Variants in CALN1 observed in about 807,000 individuals in gnomAD.
The protein encoded by CALN1 is calneuron 1, also known as calcium-binding protein 8.
A neutral mutation model predicts 30.6 loss-of-function variants in CALN1; 17 were observed. The ratio of observed to expected loss-of-function variants is 0.56; its 90% CI spans 0.38 to 0.83. CALN1 has a LOEUF of 0.83. Ranked by LOEUF, CALN1 falls within the 40% of genes least tolerant of loss-of-function variation. The pLI is 0.00. For missense variants in CALN1, 291 were observed against 354.9 expected (o/e 0.82, Z 1.45); for synonymous variants, 156 against 131.4 (o/e 1.19, Z -1.28).
intron 2 of CALN1, among the ~76,000 whole-genome samples, chr7:72,394,141 T>A (rs1221036060): frequency 6.6e-6 from 1 of 152,122 alleles, no homozygotes; most frequent in Non-Finnish European, 1.5e-5. Context: ...CATATAGAAT[T>A]TTTTTCATCA....
At chr7:71,881,272 T>G (rs1792546452) in intron 5 of CALN1, among the ~76,000 whole-genome samples, 1 of 150,082 alleles carries the variant, frequency 6.7e-6, no homozygotes, top group South Asian at 2.1e-4. Flanking sequence ...CTGGCTTCCT[T>G]GCTCCTCAGC....
At chr7:71,937,927 A>G (rs999815094) in intron 5 of CALN1, among the ~76,000 whole-genome samples, 10 of 152,170 alleles carry the variant, frequency 6.6e-5, no homozygotes, top group African/African-American at 2.4e-4. Context: ...CTTTTCCAGA[A>G]CCACATCATT....
At chr7:72,417,160 G>A (rs1177572618), upstream of CALN1, among the ~76,000 whole-genome samples, 5 of 152,178 alleles carry the variant, frequency 3.3e-5, no homozygotes, top group Non-Finnish European at 7.3e-5. Context: ...GACAACAAGC[G>A]TTTGAGAAGC....
chr7:71,875,219 T>C (rs1322977785), intron 5 of CALN1, among the ~76,000 whole-genome samples: 2 of 146,590 alleles, frequency 1.4e-5, no homozygotes, highest in East Asian at 2.0e-4. Context: ...TAGTGAATGG[T>C]GTCACCAGCT....
chr7:72,466,738 G>GGAAA, the CALN1 span, among the ~76,000 whole-genome samples: 2 of 150,060 alleles, frequency 1.3e-5, no homozygotes, highest in East Asian at 2.0e-4. Flanking sequence ...GTGAGACTCG[G>GGAAA]GAAAGAAAGA....
rs571835522 is a variant in CALN1, at chr7:72,139,717, C to T, written c.245-33423G>A. ...CATGTCCATCCTCTTCTAAGCTCCT[C>T]GGTCACCTCCACCCTCTAGGAACCT... is the stretch of plus-strand genomic sequence containing the variant. On this transcript the variant is annotated intron_variant, in intron 3 of 6. Coordinates refer to ENST00000395275, the MANE Select transcript of CALN1 (RefSeq NM_031468.4). 3.3e-5 allele frequency among the ~76,000 whole-genome samples: 5 copies of T among 152,314 alleles called. No individual in the cohort carries two copies. In the East Asian group the frequency reaches 5.8e-4, roughly 18 times the overall value.
chr7:72,340,229 A>G (rs924855911), intron 2 of CALN1, among the ~76,000 whole-genome samples: 1 of 152,120 alleles, frequency 6.6e-6, no homozygotes, highest in African/African-American at 2.4e-5. Context: ...AAATCAGAAA[A>G]TCTTTGAACT....
At chr7:71,807,039 G>A (rs544126077) in intron 6 of CALN1, among the ~76,000 whole-genome samples, 12 of 152,348 alleles carry the variant, frequency 7.9e-5, no homozygotes, top group East Asian at 1.9e-4. Context: ...GACAAGGCAC[G>A]CAGCTTAGGC....
rs568059492 is a variant in CALN1 at position 72,300,169 on chromosome 7, C to T, written c.120-21359G>A. On this transcript the variant is annotated intron_variant, in intron 2 of 6. Coordinates refer to ENST00000395275, the MANE Select transcript of CALN1 (RefSeq NM_031468.4). ...TGCTGGGATTACAGGCATGAGCCAC[C>T]ATGCCCAGCCCTTTTTCAAGTTGTT... 2.6e-5 allele frequency among the ~76,000 whole-genome samples: 4 copies of T among 152,288 alleles called. No homozygotes were observed. In the South Asian group the frequency reaches 8.3e-4, roughly 32 times the overall value.
chr7:72,057,682 T>A (rs1165747490), intron 4 of CALN1, among the ~76,000 whole-genome samples: 2 of 151,884 alleles, frequency 1.3e-5, no homozygotes, highest in African/African-American at 4.8e-5. Context: ...TACATGTTAT[T>A]AAAACTCTTT....
chr7:72,389,940 GAAGA>G (rs751294005), intron 2 of CALN1, among the ~76,000 whole-genome samples: 2 of 146,886 alleles, frequency 1.4e-5, no homozygotes, highest in South Asian at 4.4e-4. Context: ...AAAAAAAAAA[GAAGA>G]AAGAAAAGAA....
chr7:72,462,000 T>G, the CALN1 span, among the ~76,000 whole-genome samples: 3 of 150,666 alleles, frequency 2.0e-5, no homozygotes, highest in African/African-American at 7.4e-5. Context: ...AGAGACAGAC[T>G]TCGTCTCAAA....
At chr7:72,099,610 A>G (rs1308060053) in intron 4 of CALN1, among the ~76,000 whole-genome samples, 1 of 152,218 alleles carries the variant, frequency 6.6e-6, no homozygotes, top group Non-Finnish European at 1.5e-5. Context: ...ACGCACTTCA[A>G]CCTCAGACTG....
At chr7:72,328,017 A>G (rs370621115) in intron 2 of CALN1, among the ~76,000 whole-genome samples, 12 of 152,300 alleles carry the variant, frequency 7.9e-5, no homozygotes, top group South Asian at 4.1e-4. Context: ...ATCTAACAAT[A>G]TATGTACTTG....
At chr7:72,501,929 ATAT>A in the CALN1 span, among the ~76,000 whole-genome samples, 8 of 58,564 alleles carry the variant, frequency 1.4e-4, 2 homozygotes, top group African/African-American at 5.3e-4. Context: ...AAAAAAAAAA[ATAT>A]ATATATATAT....
chr7:72,385,573 A>AT (rs1805162475), intron 2 of CALN1, among the ~76,000 whole-genome samples: 1 of 152,150 alleles, frequency 6.6e-6, no homozygotes, highest in Admixed American at 6.6e-5. Flanking sequence ...CTATTCAGTT[A>AT]TAAAAAAGAA....
chr7:71,859,430 T>G (rs2116649192), intron 5 of CALN1, among the ~76,000 whole-genome samples: 1 of 152,324 alleles, frequency 6.6e-6, no homozygotes, highest in Admixed American at 6.5e-5. Flanking sequence ...TTTCTATCAC[T>G]TTATGCTGTC....
chr7:72,486,573 A>G, the CALN1 span, among the ~76,000 whole-genome samples: 1 of 152,024 alleles, frequency 6.6e-6, no homozygotes, highest in African/African-American at 2.4e-5. Flanking sequence ...GAGTTTCACC[A>G]TGTTGGCCAG....
intron 3 of CALN1, among the ~76,000 whole-genome samples, chr7:72,260,414 A>G (rs976200060): frequency 4.6e-5 from 7 of 152,236 alleles, no homozygotes; most frequent in African/African-American, 1.7e-4. Flanking sequence ...AATATTGTTA[A>G]GCTCCACGGG....
Sources: gnomAD v4.1 joint callset for allele counts (sites outside exome capture counted in the v4.1 genomes callset) on GRCh38, gnomAD v4.1.1 for gene constraint, MANE v1.5 for transcripts, NCBI Gene and HGNC (gene_info 2026-07-23, HGNC 2026-07-21) for gene names.